The following HFM1 variants were observed in gnomAD, a reference collection of about 807,000 sequenced individuals.
HFM1 encodes the protein probable ATP-dependent DNA helicase HFM1.
A neutral mutation model predicts 192.1 loss-of-function variants in HFM1; 169 were observed. The ratio of observed to expected loss-of-function variants is 0.88; its 90% CI spans 0.78 to 1.00. HFM1 has a LOEUF of 1.00. HFM1 is among the 50% of genes least tolerant of loss of function. The pLI, the probability that HFM1 is intolerant of heterozygous loss-of-function variation, is 0.00. For synonymous variants in HFM1, 525 were observed against 537.8 expected (o/e 0.98, Z 0.33); for missense variants, 1,661 against 1,668.0 (o/e 1.00, Z 0.07).
At chr1:91,290,788 C>G (rs1046622627) in intron 30 of HFM1, among the ~76,000 whole-genome samples, 1 of 151,716 alleles carries the variant, frequency 6.6e-6, no homozygotes, top group African/African-American at 2.4e-5. Context: ...CAAAATTGAC[C>G]ACATACTTGG....
chr1:91,343,465 A>T lies in HFM1; in HGVS notation c.2300T>A (p.Ile767Lys). ...GAAATTAACACCTTCATCCATCTTT[A>T]TTAAGTCCAGGGATGATAAATCATT... ...NLNDLSSLDLIKMDEGVNFKP... is the reference protein window; with the variant it reads ...NLNDLSSLDLKKMDEGVNFKP... The change falls in exon 20 of 39, where the codon ATA becomes AAA. Residue 767 changes from isoleucine (I) to lysine (K), a missense_variant. Physicochemically the swap from Ile to Lys is moderately radical, Grantham distance 102. Coordinates refer to ENST00000370425, the MANE Select transcript of HFM1 (RefSeq NM_001017975.6). 6.9e-7 allele frequency: 1 copy of T among 1,450,014 alleles called. No individual in the cohort carries two copies. The allele number at this position is 1,450,014 out of a possible 1,614,324, so 89.8% of individuals were successfully genotyped here.
At chr1:91,383,208 G>C (rs892921566) in intron 6 of HFM1, among the ~76,000 whole-genome samples, 13 of 152,100 alleles carry the variant, frequency 8.5e-5, no homozygotes, top group African/African-American at 2.9e-4. Context: ...CTTCAGCTGT[G>C]CTAATATAGC....
chr1:91,377,847 T>G (rs1384163771), intron 11 of HFM1, 178 bp downstream of exon 11: 2 of 601,110 alleles, frequency 3.3e-6, no homozygotes, highest in Non-Finnish European at 2.9e-6. Context: ...TTAAACCTGA[T>G]TAACCAAATT....
chr1:91,371,891 GA>G (rs1175132831), intron 13 of HFM1, among the ~76,000 whole-genome samples: 1 of 151,902 alleles, frequency 6.6e-6, no homozygotes, highest in Non-Finnish European at 1.5e-5. Context: ...AAATTTACAA[GA>G]AAAAAACAAA....
intron 32 of HFM1, among the ~76,000 whole-genome samples, chr1:91,275,059 A>C (rs538354599): frequency 6.9e-6 from 1 of 145,646 alleles, no homozygotes; most frequent in East Asian, 2.0e-4. Flanking sequence ...ATCTCAGCTC[A>C]CTGCAACCTC....
intron 30 of HFM1, among the ~76,000 whole-genome samples, chr1:91,302,176 G>A (rs1452466002): frequency 6.6e-6 from 1 of 151,444 alleles, no homozygotes; most frequent in African/African-American, 2.4e-5. Flanking sequence ...AAAGACACAT[G>A]AGAAAATGCT....
At chr1:91,277,211 A>AT (rs200596758) in intron 30 of HFM1, 149 bp from the exon 31 acceptor site, 1,607 of 426,300 alleles carry the variant, frequency 3.8e-3, no homozygotes, top group East Asian at 4.3e-3. Flanking sequence ...AATCCACGTA[A>AT]TTTTTTTTTT....
intron 6 of HFM1, among the ~76,000 whole-genome samples, chr1:91,382,553 CAA>C (rs1661678112): frequency 6.6e-6 from 1 of 152,140 alleles, no homozygotes; most frequent in African/African-American, 2.4e-5. Flanking sequence ...TTCTGATGTG[CAA>C]AGTGTCATAT....
chr1:91,300,760 A>C (rs970927432), intron 30 of HFM1, among the ~76,000 whole-genome samples: 18 of 152,192 alleles, frequency 1.2e-4, no homozygotes, highest in Admixed American at 2.6e-4. Context: ...ACTCTCAATA[A>C]ATTAGTTATT....
At chr1:91,317,190 G>A (rs868638364) in intron 25 of HFM1, among the ~76,000 whole-genome samples, 1 of 152,166 alleles carries the variant, frequency 6.6e-6, no homozygotes, top group African/African-American at 2.4e-5. Flanking sequence ...CAAGGCGGGC[G>A]GATCACCTGA....
Position 91,277,003 on chromosome 1 carries a change from G to A in HFM1, c.3451C>T (p.His1151Tyr). ...TCACAGCAGTCATGTCCACATGTATGTTTACTTTTACAAAGATGATTGCAT... is the reference window on the plus strand; with the variant it reads ...TCACAGCAGTCATGTCCACATGTATATTTACTTTTACAAAGATGATTGCAT... ...RECNHLCKSK[H>Y]TCGHDCCKIG... Residue 1151 changes from histidine (H) to tyrosine (Y), a missense_variant, in exon 31 of 39, where the codon CAT becomes TAT. His to Tyr is a moderately conservative substitution (Grantham distance 83). Transcript: ENST00000370425. The A allele has an allele frequency of 6.3e-7, 1 of 1,594,588 alleles. No homozygotes were observed. Among genetic ancestry groups the A allele is most frequent in the Non-Finnish European group, 8.5e-7 (1 of 1,170,662 alleles).
intron 30 of HFM1, among the ~76,000 whole-genome samples, chr1:91,307,290 A>G (rs1474367924): frequency 6.6e-6 from 1 of 152,030 alleles, no homozygotes; most frequent in Non-Finnish European, 1.5e-5. Context: ...TTTTATTTCC[A>G]CATATATTTT....
intron 20 of HFM1, among the ~76,000 whole-genome samples, chr1:91,327,611 TGCACTATA>T (rs1653111235): frequency 6.6e-6 from 1 of 152,184 alleles, no homozygotes; most frequent in Non-Finnish European, 1.5e-5. Flanking sequence ...AAACTTAATC[TGCACTATA>T]GACCAAATGG....
intron 36 of HFM1, among the ~76,000 whole-genome samples, chr1:91,264,393 G>T (rs1357604634): frequency 3.7e-4 from 8 of 21,492 alleles, no homozygotes; most frequent in African/African-American, 6.5e-4. Flanking sequence ...TTTTTTTTGA[G>T]ACGGAGTCTC....
At chr1:91,302,510 A>G (rs946991059) in intron 30 of HFM1, among the ~76,000 whole-genome samples, 20 of 152,172 alleles carry the variant, frequency 1.3e-4, no homozygotes, top group African/African-American at 4.3e-4. Flanking sequence ...CCTATTCACA[A>G]TAGCAAAGAC....
chr1:91,367,127 A>G (rs996552922), intron 13 of HFM1, among the ~76,000 whole-genome samples: 6 of 152,180 alleles, frequency 3.9e-5, no homozygotes, highest in Non-Finnish European at 8.8e-5. Flanking sequence ...AACTGGGTGG[A>G]GCGCACCGCA....
rs556239423 is a variant in HFM1 at position 91,343,783 on chromosome 1, C to T, written c.2255-273G>A. Among the ~76,000 whole-genome samples, 6 of 152,214 alleles carry T rather than the reference C, an allele frequency of 3.9e-5. No homozygotes were observed. The East Asian group carries it at 9.7e-4, about 24-fold the overall frequency. ...TAAAACTTGGAGTATTTAAATGATA[C>T]ACATGTATTACCTCATTTAATCTTC... On this transcript the variant is annotated intron_variant, in intron 19 of 38. Coordinates refer to ENST00000370425, the MANE Select transcript of HFM1 (RefSeq NM_001017975.6).
At chr1:91,284,053 T>C (rs1163047039) in intron 30 of HFM1, among the ~76,000 whole-genome samples, 1 of 152,000 alleles carries the variant, frequency 6.6e-6, no homozygotes. Flanking sequence ...ATTTTGTTAT[T>C]TATTTATGCA....
intron 28 of HFM1, among the ~76,000 whole-genome samples, chr1:91,314,606 G>A (rs1650937392): frequency 6.6e-6 from 1 of 151,904 alleles, no homozygotes; most frequent in South Asian, 2.1e-4. Context: ...TACCATTTTA[G>A]TCCCAATAAG....
Sources: allele counts gnomAD v4.1 joint callset (sites outside exome capture counted in the v4.1 genomes callset), GRCh38; gene constraint gnomAD v4.1.1; transcripts MANE v1.5; gene names NCBI Gene and HGNC (gene_info 2026-07-23, HGNC 2026-07-21).